The following RBFOX1 variants were observed in gnomAD, a reference collection of about 807,000 sequenced individuals.
The protein encoded by RBFOX1 is RNA binding fox-1 homolog 1, also known as RNA binding protein fox-1 homolog 1.
Under a neutral mutation model 57.7 loss-of-function variants are expected in RBFOX1, and 8 were observed. That is an observed-to-expected ratio of 0.14 (90% CI 0.08 to 0.25). The LOEUF is 0.25. RBFOX1 is among the 10% of genes least tolerant of loss of function. RBFOX1 has a pLI of 1.00. For synonymous variants in RBFOX1, 326 were observed against 222.4 expected (o/e 1.47, Z -4.15); for missense variants, 611 against 548.5 (o/e 1.11, Z -1.14).
At position 7,224,388 on chromosome 16, in the gene RBFOX1, C is replaced by A. The variant is rs938909689; in HGVS notation, c.27+172290C>A. Among the ~76,000 whole-genome samples, 13 of 152,176 alleles carry A rather than the reference C, an allele frequency of 8.5e-5. 1 individual carries two copies. The highest frequency in any genetic ancestry group is 1.7e-4 in the African/African-American group (7 of 41,438). On this transcript the variant is annotated intron_variant, in intron 4 of 15. Transcript: ENST00000550418. ...CATTGACATTTGAATTCTGCCCATG[C>A]AAATTAGTGGAACTTGCCATCACCC... is the stretch of plus-strand genomic sequence containing the variant.
chr16:7,264,343 C>T (rs1013552714), intron 4 of RBFOX1, among the ~76,000 whole-genome samples: 2 of 152,198 alleles, frequency 1.3e-5, no homozygotes, highest in Admixed American at 6.5e-5. Context: ...TTGTTGAGGG[C>T]CTCCAAGATC....
At chr16:5,669,381 C>T (rs540698773) in intron 3 of RBFOX1, among the ~76,000 whole-genome samples, 31 of 151,600 alleles carry the variant, frequency 2.0e-4, no homozygotes, top group African/African-American at 7.5e-4. Flanking sequence ...CAGAAACCCA[C>T]CCGTAGAGCA....
intron 3 of RBFOX1, among the ~76,000 whole-genome samples, chr16:6,932,381 A>C (rs1357430842): frequency 2.0e-5 from 3 of 152,182 alleles, no homozygotes; most frequent in Non-Finnish European, 4.4e-5. Context: ...TGCTGGGATT[A>C]CATGCATGAG....
chr16:7,311,057 A>T (rs1446797865), intron 4 of RBFOX1, among the ~76,000 whole-genome samples: 2 of 152,176 alleles, frequency 1.3e-5, no homozygotes, highest in Non-Finnish European at 2.9e-5. Flanking sequence ...GCAAGGCTAG[A>T]GTTAAGTTCT....
chr16:7,019,730 T>TGCCAAAAA (rs2094110765), intron 3 of RBFOX1, among the ~76,000 whole-genome samples: 1 of 152,178 alleles, frequency 6.6e-6, no homozygotes, highest in South Asian at 2.1e-4. Flanking sequence ...ACAAGCTTGG[T>TGCCAAAAA]TTCAAACACT....
At chr16:6,718,239 T>G (rs2065228079) in intron 3 of RBFOX1, among the ~76,000 whole-genome samples, 1 of 152,168 alleles carries the variant, frequency 6.6e-6, no homozygotes, top group African/African-American at 2.4e-5. Context: ...ATATTGGTCT[T>G]TTCCATATGG....
At chr16:5,621,196 C>G (rs1291175844) in intron 3 of RBFOX1, among the ~76,000 whole-genome samples, 1 of 152,108 alleles carries the variant, frequency 6.6e-6, no homozygotes, top group African/African-American at 2.4e-5. Flanking sequence ...CGGCTGGTCT[C>G]AAACTCTTCG....
intron 3 of RBFOX1, among the ~76,000 whole-genome samples, chr16:6,828,865 C>G (rs1458994299): frequency 6.6e-6 from 1 of 152,134 alleles, no homozygotes; most frequent in African/African-American, 2.4e-5. Flanking sequence ...CATAAGTATT[C>G]CACCCCTTGG....
At chr16:5,653,587 C>G (rs1455450369) in intron 3 of RBFOX1, among the ~76,000 whole-genome samples, 2 of 152,140 alleles carry the variant, frequency 1.3e-5, no homozygotes, top group South Asian at 4.1e-4. Context: ...ATTGCCTCTC[C>G]CTGACCTCCT....
chr16:5,470,467 T>G (rs2069098292), intron 2 of RBFOX1, among the ~76,000 whole-genome samples: 1 of 152,320 alleles, frequency 6.6e-6, no homozygotes, highest in South Asian at 2.1e-4. Flanking sequence ...CAGATACACA[T>G]GCACACATTC....
chr16:7,137,669 G>T (rs1006960847), intron 4 of RBFOX1, among the ~76,000 whole-genome samples: 2 of 152,140 alleles, frequency 1.3e-5, no homozygotes, highest in African/African-American at 2.4e-5. Flanking sequence ...TCAGATTAGG[G>T]GCAAGCTCCT....
intron 4 of RBFOX1, among the ~76,000 whole-genome samples, chr16:7,167,062 T>C (rs1428097310): frequency 7.2e-6 from 1 of 139,306 alleles, no homozygotes; most frequent in Non-Finnish European, 1.5e-5. Flanking sequence ...CTCAGCTCGC[T>C]GCAACCTCCG....
intron 1 of RBFOX1, among the ~76,000 whole-genome samples, chr16:5,330,707 CTTT>C (rs772757574): frequency 2.2e-5 from 3 of 134,870 alleles, no homozygotes; most frequent in African/African-American, 2.7e-5. Context: ...GCCCAGCCTA[CTTT>C]TTTTTTTTTT....
intron 4 of RBFOX1, among the ~76,000 whole-genome samples, chr16:7,507,370 C>T (rs951445098): frequency 1.3e-5 from 2 of 151,684 alleles, no homozygotes; most frequent in Admixed American, 6.6e-5. Context: ...TATGATGATC[C>T]CCTACATGGG....
At chr16:7,261,232 A>T (rs1223164149) in intron 4 of RBFOX1, among the ~76,000 whole-genome samples, 1 of 152,186 alleles carries the variant, frequency 6.6e-6, no homozygotes, top group African/African-American at 2.4e-5. Flanking sequence ...CTTAGCTTTC[A>T]ACTTTGTAGA....
intron 4 of RBFOX1, among the ~76,000 whole-genome samples, chr16:7,308,805 C>T (rs1436617050): frequency 6.6e-6 from 1 of 152,180 alleles, no homozygotes; most frequent in African/African-American, 2.4e-5. Flanking sequence ...GCCCCATGCA[C>T]CAGCCACGGT....
At chr16:7,303,049 G>C (rs1417504723) in intron 4 of RBFOX1, among the ~76,000 whole-genome samples, 1 of 152,206 alleles carries the variant, frequency 6.6e-6, no homozygotes, top group African/African-American at 2.4e-5. Flanking sequence ...TTTATAATTT[G>C]AGAGGAGCGG....
rs1392190616 is a variant in RBFOX1, at chr16:6,397,182, A to G, written c.-64+80125A>G. On this transcript the variant is annotated intron_variant, in intron 2 of 15. Transcript: ENST00000550418. ...TGGTGAAATACTTTCAAGAAGCTCAAGAAACTTCAAGCAAGCAAAATATAA... is the reference window on the plus strand; with the variant it reads ...TGGTGAAATACTTTCAAGAAGCTCAGGAAACTTCAAGCAAGCAAAATATAA... Among the ~76,000 whole-genome samples, 3 of 152,230 alleles carry G rather than the reference A, an allele frequency of 2.0e-5. No homozygotes were observed. In the South Asian group the frequency reaches 6.2e-4, roughly 32 times the overall value.
intron 1 of RBFOX1, among the ~76,000 whole-genome samples, chr16:6,036,758 C>T (rs952477491): frequency 6.6e-6 from 1 of 152,166 alleles, no homozygotes. Flanking sequence ...CAGTGAACTT[C>T]AAGGGCTTGA....
Sources: allele counts gnomAD v4.1 joint callset (sites outside exome capture counted in the v4.1 genomes callset), GRCh38; gene constraint gnomAD v4.1.1; transcripts MANE v1.5; gene names NCBI Gene and HGNC (gene_info 2026-07-23, HGNC 2026-07-21).